ARHGEF26: variants seen among roughly 807,000 people sequenced by gnomAD.
ARHGEF26 encodes the protein Rho guanine nucleotide exchange factor 26.
ARHGEF26 carries 59 observed loss-of-function variants against 89.4 expected under a neutral mutation model. That is an observed-to-expected ratio of 0.66 (90% CI 0.54 to 0.82). The LOEUF (loss-of-function observed/expected upper bound fraction) is 0.82, where lower values mean the gene tolerates loss of function less well. Among genes scored for constraint, ARHGEF26 ranks in the 40% least tolerant of loss-of-function variants. ARHGEF26 has a pLI of 0.00. For missense variants in ARHGEF26, 1,234 were observed against 1,085.6 expected, an observed-to-expected ratio of 1.14 and a Z score of -1.92; for synonymous variants, 500 against 428.4, an observed-to-expected ratio of 1.17 and a Z score of -2.06.
Position 154,201,952 on chromosome 3 carries a change from G to T in ARHGEF26, c.1845+7234G>T, listed in dbSNP as rs1445152767. 2.0e-5 allele frequency among the ~76,000 whole-genome samples: 3 copies of T among 151,414 alleles called. No individual in the cohort carries two copies. In the East Asian group the frequency reaches 5.8e-4, roughly 29 times the overall value. On this transcript the variant is annotated intron_variant, in intron 9 of 14. Transcript: ENST00000465093. ...GCGAAAATTTTCTCCCATTTTGTAG[G>T]TTGCCTGTTCACTCTGATGGTAGTT...
In ARHGEF26 at chr3:154,225,965, A is replaced by G. The variant is rs1716459909; in HGVS notation, c.2045A>G (p.Tyr682Cys). Residue 682 changes from tyrosine (Y) to cysteine (C), a missense_variant, in exon 11 of 15, where the codon TAC becomes TGC. Transcript: ENST00000465093. The part of the protein sequence containing the change: ...FSRRTSKQQV[Y>C]FFLFNDVLII... ...AGAAGGACATCCAAACAGCAAGTCT[A>G]CTTCTTTCTCTTTAACGATGTGCTC... is the stretch of plus-strand genomic sequence containing the variant. The G allele has an allele frequency of 6.8e-6, 11 of 1,613,146 alleles. No individual in the cohort carries two copies. Among genetic ancestry groups the G allele is most frequent in the Non-Finnish European group, 9.3e-6 (11 of 1,179,494 alleles).
At chr3:154,194,526 A>C in intron 8 of ARHGEF26, 118 bp from the exon 9 acceptor site, 1 of 694,988 alleles carries the variant, frequency 1.4e-6, no homozygotes, top group South Asian at 1.9e-5. Flanking sequence ...CCTCATACTC[A>C]TCCGTAATAT....
intron 6 of ARHGEF26, among the ~76,000 whole-genome samples, chr3:154,170,725 G>A (rs530819115): frequency 1.8e-4 from 27 of 152,312 alleles, no homozygotes; most frequent in Admixed American, 1.8e-3. Flanking sequence ...CATTAGACTA[G>A]CTCCTGGTAT....
chr3:154,256,525 G>A lies in ARHGEF26; in HGVS notation c.*1052G>A. The A allele has an allele frequency of 2.1e-6, 2 of 941,756 alleles. No individual in the cohort carries two copies. Among genetic ancestry groups the A allele is most frequent in the Non-Finnish European group, 2.5e-6 (2 of 807,500 alleles). 58.3% of individuals were successfully genotyped at this position (941,756 alleles called of 1,614,324 possible). ...TGGGATTATAGGCATGAGCCACCGT[G>A]CCCAGCCTACTTTCTAATTAATTAA... On this transcript the variant is annotated 3_prime_UTR_variant, in exon 15 of 15. Coordinates refer to ENST00000465093, the MANE Select transcript of ARHGEF26 (RefSeq NM_015595.4).
At chr3:154,164,456 T>TTATC (rs4066625) in intron 6 of ARHGEF26, among the ~76,000 whole-genome samples, 137,862 of 151,778 alleles carry the variant, frequency 0.91, 62,835 homozygotes, top group East Asian at 1. Context: ...AATAGATACT[T>TTATC]TATACAGTGT....
At chr3:154,167,691 G>A (rs1712132707) in intron 6 of ARHGEF26, among the ~76,000 whole-genome samples, 1 of 152,118 alleles carries the variant, frequency 6.6e-6, no homozygotes, top group South Asian at 2.1e-4. Flanking sequence ...CCTGGATTAT[G>A]TCACAGTGCA....
chr3:154,237,707 A>G (rs1717206177), intron 11 of ARHGEF26, among the ~76,000 whole-genome samples: 1 of 152,202 alleles, frequency 6.6e-6, no homozygotes, highest in East Asian at 1.9e-4. Flanking sequence ...TCAAATGATG[A>G]CTTTATAGCA....
chr3:154,252,380 T>C (rs1718212204), intron 12 of ARHGEF26, among the ~76,000 whole-genome samples: 1 of 152,190 alleles, frequency 6.6e-6, no homozygotes. Context: ...GGCGGGGCAG[T>C]ATTTAATTAA....
chr3:154,122,920 A>C lies in ARHGEF26; in HGVS notation c.928A>C (p.Arg310=). 1 of 1,613,402 alleles carries C rather than the reference A, an allele frequency of 6.2e-7. No homozygotes were observed. The part of the protein sequence containing the change: ...NDVDSPGSLR[R]GLRSTSYRRA... ...CGTGGATAGCCCAGGGTCTCTGCGG[A>C]GAGGCTTGCGGTCCACGTCTTATCG... is the stretch of plus-strand genomic sequence containing the variant. Residue 310 remains arginine, a synonymous_variant, in exon 2 of 15, where the codon AGA becomes CGA. Transcript: ENST00000465093.
At chr3:154,166,915 C>CAT in intron 6 of ARHGEF26, among the ~76,000 whole-genome samples, 1 of 152,294 alleles carries the variant, frequency 6.6e-6, no homozygotes, top group East Asian at 1.9e-4. Flanking sequence ...ACTCTCTGCA[C>CAT]ATACAAGTAC....
At chr3:154,183,611 A>T (rs1414676115) in intron 6 of ARHGEF26, among the ~76,000 whole-genome samples, 1 of 152,238 alleles carries the variant, frequency 6.6e-6, no homozygotes, top group African/African-American at 2.4e-5. Flanking sequence ...TTAGTAAAGT[A>T]TGCAAATTTT....
At chr3:154,213,001 A>G (rs1715473397) in intron 9 of ARHGEF26, among the ~76,000 whole-genome samples, 1 of 152,304 alleles carries the variant, frequency 6.6e-6, no homozygotes, top group Admixed American at 6.5e-5. Context: ...TCATGGGAAG[A>G]AAAACACAAG....
chr3:154,155,731 A>G (rs565543767), intron 6 of ARHGEF26, among the ~76,000 whole-genome samples: 2 of 122,608 alleles, frequency 1.6e-5, no homozygotes, highest in East Asian at 4.3e-4. Flanking sequence ...TCAGTGAACA[A>G]AGTCTTAGGA....
chr3:154,136,747 T>C (rs1719034514), intron 4 of ARHGEF26, among the ~76,000 whole-genome samples: 1 of 152,250 alleles, frequency 6.6e-6, no homozygotes, highest in Non-Finnish European at 1.5e-5. Flanking sequence ...TTTTCAGTTG[T>C]TTGTGACTTG....
chr3:154,217,685 A>T (rs146004344), intron 9 of ARHGEF26, among the ~76,000 whole-genome samples, 184 bp from the exon 10 acceptor site: 1 of 152,102 alleles, frequency 6.6e-6, no homozygotes, highest in South Asian at 2.1e-4. Context: ...TTCTGTCTTC[A>T]CATCCTAATC....
At chr3:154,177,596 G>A (rs1351573398) in intron 6 of ARHGEF26, among the ~76,000 whole-genome samples, 1 of 152,100 alleles carries the variant, frequency 6.6e-6, no homozygotes, top group African/African-American at 2.4e-5. Context: ...CAGCCATTTG[G>A]ATCTATAGAG....
At chr3:154,189,991 T>G (rs1028683810) in intron 7 of ARHGEF26, among the ~76,000 whole-genome samples, 6 of 152,172 alleles carry the variant, frequency 3.9e-5, no homozygotes, top group Non-Finnish European at 8.8e-5. Context: ...AGTAGCAGCC[T>G]TGAACAAGAT....
intron 9 of ARHGEF26, among the ~76,000 whole-genome samples, chr3:154,208,981 G>C (rs957138708): frequency 2.0e-5 from 3 of 151,770 alleles, no homozygotes; most frequent in African/African-American, 7.3e-5. Flanking sequence ...TGGCCAGACT[G>C]GTTTCAAACT....
At chr3:154,222,140 C>T (rs919601400) in intron 10 of ARHGEF26, among the ~76,000 whole-genome samples, 2 of 152,128 alleles carry the variant, frequency 1.3e-5, no homozygotes, top group Admixed American at 1.3e-4. Flanking sequence ...AGTCTAGATT[C>T]AAATCTTTGA....
Sources: gnomAD v4.1 joint callset for allele counts (sites outside exome capture counted in the v4.1 genomes callset) on GRCh38, gnomAD v4.1.1 for gene constraint, MANE v1.5 for transcripts, NCBI Gene and HGNC (gene_info 2026-07-23, HGNC 2026-07-21) for gene names.